FRMD4A: variants seen among roughly 807,000 people sequenced by gnomAD.
FRMD4A encodes the protein FERM domain containing 4A.
Under a neutral mutation model 129.1 loss-of-function variants are expected in FRMD4A, and 29 were observed. The observed-to-expected ratio is 0.22, with a 90% CI of 0.17 to 0.31. FRMD4A has a LOEUF of 0.31. FRMD4A is among the 10% of genes least tolerant of loss of function. The pLI is 1.00. For synonymous variants in FRMD4A, 634 were observed against 571.6 expected (o/e 1.11, Z -1.56); for missense variants, 1,272 against 1,375.8 (o/e 0.92, Z 1.19).
At chr10:14,122,481 G>A (rs1228386018) in intron 2 of FRMD4A, among the ~76,000 whole-genome samples, 7 of 151,914 alleles carry the variant, frequency 4.6e-5, no homozygotes, top group Admixed American at 4.6e-4. Context: ...TCTGCAGGCT[G>A]TGCAGGAAAC....
intron 13 of FRMD4A, 70 bp from the exon 14 acceptor site, chr10:13,701,548 T>C: frequency 2.0e-6 from 3 of 1,476,556 alleles, no homozygotes; most frequent in Non-Finnish European, 2.8e-6. Context: ...GTCAACAGCT[T>C]CTGTAGAGAA....
intron 2 of FRMD4A, among the ~76,000 whole-genome samples, chr10:14,214,271 C>G (rs75312601): frequency 0.044 from 6,701 of 152,292 alleles, 241 homozygotes; most frequent in Non-Finnish European, 0.066. Flanking sequence ...CTGCAGAACT[C>G]TACCTGGAGG....
chr10:13,783,888 T>C (rs2092794477), intron 5 of FRMD4A, among the ~76,000 whole-genome samples: 6 of 152,220 alleles, frequency 3.9e-5, no homozygotes. Context: ...CATGCTGCCA[T>C]TATTTAAGTT....
chr10:14,249,384 T>G (rs1377139618), intron 2 of FRMD4A, among the ~76,000 whole-genome samples: 1 of 151,426 alleles, frequency 6.6e-6, no homozygotes, highest in Non-Finnish European at 1.5e-5. Context: ...AAATAGATAT[T>G]GAAATAACTT....
intron 2 of FRMD4A, among the ~76,000 whole-genome samples, chr10:14,253,955 T>A (rs1359886225): frequency 6.6e-6 from 1 of 152,116 alleles, no homozygotes; most frequent in Non-Finnish European, 1.5e-5. Flanking sequence ...TTTCGACACC[T>A]CCAGCTTGCA....
At chr10:13,844,330 ACT>A (rs1477115860) in intron 3 of FRMD4A, among the ~76,000 whole-genome samples, 2 of 152,118 alleles carry the variant, frequency 1.3e-5, no homozygotes, top group African/African-American at 4.8e-5. Flanking sequence ...CACTTCTCTA[ACT>A]CTGTTACTCA....
rs147549187 is a variant in FRMD4A, at chr10:14,238,292, T to G, written c.45+91766A>C. On this transcript the variant is annotated intron_variant, in intron 2 of 24. Coordinates refer to ENST00000357447, the MANE Select transcript of FRMD4A (RefSeq NM_018027.5). Reference sequence around the variant, plus strand: ...TAGAGACTTATTTAGATTAAATAGCTTGTCTAAAATGTTCCGGCACTACAT... The same window carrying G: ...TAGAGACTTATTTAGATTAAATAGCGTGTCTAAAATGTTCCGGCACTACAT... Among the ~76,000 whole-genome samples the G allele has an allele frequency of 4.5e-3, 681 of 152,290 alleles. 5 individuals carry two copies. The highest frequency in any genetic ancestry group is 0.015 in the African/African-American group (642 of 41,556).
At chr10:14,317,071 G>A (rs1281628874) in intron 2 of FRMD4A, among the ~76,000 whole-genome samples, 4 of 152,048 alleles carry the variant, frequency 2.6e-5, no homozygotes, top group Non-Finnish European at 5.9e-5. Flanking sequence ...CTTTGCCTCA[G>A]ATTCACCTCT....
rs866097363 is a variant in FRMD4A at position 14,273,521 on chromosome 10, T to G, written c.45+56537A>C. On this transcript the variant is annotated intron_variant, in intron 2 of 24. Coordinates refer to ENST00000357447, the MANE Select transcript of FRMD4A (RefSeq NM_018027.5). ...AGCTCATGTAAGCTGATGATTTTTTTTTAAGTGAATGAAATTAGCAGTCTA... is the reference window on the plus strand; with the variant it reads ...AGCTCATGTAAGCTGATGATTTTTTGTTAAGTGAATGAAATTAGCAGTCTA... 3.3e-5 allele frequency among the ~76,000 whole-genome samples: 5 copies of G among 152,196 alleles called. No individual in the cohort carries two copies. In the South Asian group the frequency reaches 8.3e-4, roughly 25 times the overall value.
intron 9 of FRMD4A, among the ~76,000 whole-genome samples, chr10:13,741,288 C>A (rs965629340): frequency 6.6e-6 from 1 of 151,744 alleles, no homozygotes; most frequent in Non-Finnish European, 1.5e-5. Context: ...TGTCTCTATA[C>A]AAAAATACAA....
At chr10:13,983,402 C>T (rs573048306) in intron 2 of FRMD4A, among the ~76,000 whole-genome samples, 2 of 151,938 alleles carry the variant, frequency 1.3e-5, no homozygotes, top group Admixed American at 6.6e-5. Context: ...AGAAAAAAAA[C>T]GTAATTACAT....
intron 2 of FRMD4A, among the ~76,000 whole-genome samples, chr10:13,869,028 C>A (rs753465923): frequency 6.6e-5 from 10 of 152,206 alleles, no homozygotes; most frequent in Non-Finnish European, 1.0e-4. Context: ...GTTTTACTTG[C>A]GGATCTTTGG....
At chr10:14,178,155 G>C (rs1038184871) in intron 2 of FRMD4A, among the ~76,000 whole-genome samples, 4 of 152,126 alleles carry the variant, frequency 2.6e-5, no homozygotes, top group African/African-American at 9.7e-5. Context: ...AGCCACTGCT[G>C]GTGTACTATT....
At chr10:13,688,547 TAAA>T (rs2085329680) in intron 15 of FRMD4A, among the ~76,000 whole-genome samples, 1 of 151,502 alleles carries the variant, frequency 6.6e-6, no homozygotes, top group African/African-American at 2.4e-5. Context: ...AGTATAATAA[TAAA>T]AAAATTAAAA....
chr10:13,682,892 A>G (rs1389403619), intron 15 of FRMD4A, among the ~76,000 whole-genome samples: 1 of 152,182 alleles, frequency 6.6e-6, no homozygotes, highest in Non-Finnish European at 1.5e-5. Context: ...TGCCTCTTGC[A>G]TAAAAACTCA....
intron 12 of FRMD4A, among the ~76,000 whole-genome samples, chr10:13,736,163 C>T (rs1447151214): frequency 6.6e-6 from 1 of 151,692 alleles, no homozygotes; most frequent in Admixed American, 6.6e-5. Context: ...AACAAACAAA[C>T]AAACAAACAA....
At chr10:13,998,222 A>T (rs4439418) in intron 2 of FRMD4A, among the ~76,000 whole-genome samples, 1 of 152,052 alleles carries the variant, frequency 6.6e-6, no homozygotes, top group African/African-American at 2.4e-5. Context: ...CTCCAGTGGT[A>T]TACTGGAGAA....
chr10:13,748,209 C>T (rs1431044941), intron 8 of FRMD4A, among the ~76,000 whole-genome samples: 3 of 152,180 alleles, frequency 2.0e-5, no homozygotes, highest in Non-Finnish European at 4.4e-5. Context: ...AGAACCCCGC[C>T]GTTAGGCTCA....
intron 2 of FRMD4A, among the ~76,000 whole-genome samples, chr10:14,025,890 G>A (rs754549310): frequency 2.4e-4 from 37 of 152,122 alleles, no homozygotes; most frequent in Non-Finnish European, 2.9e-4. Flanking sequence ...CTGAAATCAC[G>A]TATCCTAAGA....
Sources: allele counts gnomAD v4.1 joint callset (sites outside exome capture counted in the v4.1 genomes callset), GRCh38; gene constraint gnomAD v4.1.1; transcripts MANE v1.5; gene names NCBI Gene and HGNC (gene_info 2026-07-23, HGNC 2026-07-21).